Variants in STAG1 observed in about 807,000 individuals in gnomAD.
STAG1 encodes cohesin subunit SA-1.
Under a neutral mutation model 170.9 loss-of-function variants are expected in STAG1, and 26 were observed. The observed-to-expected ratio is 0.15, with a 90% confidence interval of 0.11 to 0.21. The LOEUF (loss-of-function observed/expected upper bound fraction) is 0.21. Among genes scored for constraint, STAG1 ranks in the 10% least tolerant of loss-of-function variants. The pLI, the probability that STAG1 is intolerant of heterozygous loss-of-function variation, is 1.00. For missense variants in STAG1, 964 were observed against 1,509.5 expected (o/e 0.64, Z 5.99); for synonymous variants, 514 against 497.7 (o/e 1.03, Z -0.44).
At chr3:136,543,612 C>CCA (rs1936009389) in intron 5 of STAG1, among the ~76,000 whole-genome samples, 1 of 152,104 alleles carries the variant, frequency 6.6e-6, no homozygotes, top group Admixed American at 6.6e-5. Context: ...AGTAGGGTTT[C>CCA]TCAGCTCCAT....
At chr3:136,559,325 G>T (rs1936748090) in intron 5 of STAG1, among the ~76,000 whole-genome samples, 1 of 152,072 alleles carries the variant, frequency 6.6e-6, no homozygotes, top group African/African-American at 2.4e-5. Flanking sequence ...AATTTATTTA[G>T]AAGGACAACC....
rs1940885732 is a variant in STAG1, at chr3:136,643,690, G to A, written c.-83-12709C>T. Among the ~76,000 whole-genome samples, 2 of 152,014 alleles carry A rather than the reference G, an allele frequency of 1.3e-5. 1 individual carries two copies. Among genetic ancestry groups the A allele is most frequent in the South Asian group, 4.2e-4 (2 of 4,816 alleles). On this transcript the variant is annotated intron_variant, in intron 1 of 33. Transcript: ENST00000383202. ...CACCTGGCTAATTTTTGTGTTTTTT[G>A]TAGAGATAGGGTTTTGCCATGTTGC... is the stretch of plus-strand genomic sequence containing the variant.
intron 6 of STAG1, among the ~76,000 whole-genome samples, chr3:136,528,558 C>G (rs1254605024): frequency 7.8e-6 from 1 of 128,820 alleles, no homozygotes; most frequent in African/African-American, 3.0e-5. Context: ...TCTAAAGAAG[C>G]TCAGTGAGAT....
chr3:136,479,125 G>A (rs1280928669), intron 9 of STAG1, among the ~76,000 whole-genome samples: 1 of 126,646 alleles, frequency 7.9e-6, no homozygotes. Flanking sequence ...TGTGCACATT[G>A]TGCAGGTTAG....
intron 7 of STAG1, among the ~76,000 whole-genome samples, chr3:136,506,302 T>C (rs1244196693): frequency 6.6e-6 from 1 of 151,742 alleles, no homozygotes; most frequent in Non-Finnish European, 1.5e-5. Context: ...GTGGCAGCAA[T>C]AGGTAGAGAG....
At chr3:136,454,299 C>G (rs979312654) in intron 13 of STAG1, among the ~76,000 whole-genome samples, 1 of 151,890 alleles carries the variant, frequency 6.6e-6, no homozygotes, top group African/African-American at 2.4e-5. Flanking sequence ...AGGCTGGTCT[C>G]GAACTCCTGA....
At chr3:136,635,945 T>C (rs187740761) in intron 1 of STAG1, among the ~76,000 whole-genome samples, 49 of 152,114 alleles carry the variant, frequency 3.2e-4, no homozygotes, top group Middle Eastern at 3.4e-3. Context: ...AACAATAAAA[T>C]TGTAATGTAA....
intron 4 of STAG1, among the ~76,000 whole-genome samples, chr3:136,596,077 T>C (rs565604735): frequency 2.8e-4 from 43 of 152,318 alleles, no homozygotes; most frequent in African/African-American, 9.4e-4. Flanking sequence ...GTGAACACTG[T>C]TGAAATGGCA....
At chr3:136,729,664 C>G (rs1442147213) in intron 1 of STAG1, among the ~76,000 whole-genome samples, 1 of 150,636 alleles carries the variant, frequency 6.6e-6, no homozygotes, top group East Asian at 1.9e-4. Flanking sequence ...CCTCCGCCTC[C>G]CAGTTTCAAG....
At chr3:136,580,012 G>A (rs192749343) in intron 4 of STAG1, among the ~76,000 whole-genome samples, 2 of 124,758 alleles carry the variant, frequency 1.6e-5, no homozygotes, top group Non-Finnish European at 3.1e-5. Context: ...TCTGTCGCCA[G>A]GCTGGAGTCC....
At chr3:136,669,065 C>T (rs1210809088) in intron 1 of STAG1, among the ~76,000 whole-genome samples, 3 of 152,190 alleles carry the variant, frequency 2.0e-5, no homozygotes, top group Admixed American at 2.0e-4. Flanking sequence ...CCTTCAACCG[C>T]AACAGCTCTA....
intron 1 of STAG1, among the ~76,000 whole-genome samples, chr3:136,639,275 C>A (rs111267360): frequency 6.6e-6 from 1 of 151,748 alleles, no homozygotes; most frequent in Non-Finnish European, 1.5e-5. Context: ...GTCAAGGATG[C>A]AGTGAGCCAT....
intron 27 of STAG1, among the ~76,000 whole-genome samples, chr3:136,358,552 G>GTATA (rs796319287): frequency 8.5e-5 from 13 of 152,186 alleles, no homozygotes; most frequent in African/African-American, 3.1e-4. Context: ...AATCAGTTTT[G>GTATA]TATAGTCTTA....
intron 6 of STAG1, among the ~76,000 whole-genome samples, chr3:136,531,858 T>A (rs1559863584): frequency 6.8e-6 from 1 of 147,474 alleles, no homozygotes. Flanking sequence ...CATGTATACA[T>A]ATGTAACTAA....
intron 1 of STAG1, among the ~76,000 whole-genome samples, chr3:136,745,440 T>C (rs568928230): frequency 6.6e-6 from 1 of 151,926 alleles, no homozygotes; most frequent in Admixed American, 6.6e-5. Context: ...TGGAAAAAAA[T>C]TTTTCCACGG....
chr3:136,726,999 A>G (rs1332952575), intron 1 of STAG1, among the ~76,000 whole-genome samples: 1 of 152,140 alleles, frequency 6.6e-6, no homozygotes, highest in Non-Finnish European at 1.5e-5. Context: ...TAGGTTCTGT[A>G]CACATCCTCA....
chr3:136,653,956 C>G (rs532929864), intron 1 of STAG1, among the ~76,000 whole-genome samples: 2 of 152,234 alleles, frequency 1.3e-5, no homozygotes, highest in African/African-American at 4.8e-5. Flanking sequence ...AACAAGAACA[C>G]TAAGCAAACT....
intron 13 of STAG1, among the ~76,000 whole-genome samples, chr3:136,456,452 T>C (rs1220435466): frequency 2.0e-5 from 3 of 152,004 alleles, no homozygotes; most frequent in Non-Finnish European, 2.9e-5. Flanking sequence ...ACTTATGAAA[T>C]TACCTAGTCA....
intron 1 of STAG1, among the ~76,000 whole-genome samples, chr3:136,710,378 G>A (rs993079137): frequency 6.6e-6 from 1 of 152,076 alleles, no homozygotes; most frequent in African/African-American, 2.4e-5. Flanking sequence ...CATTTTCCCT[G>A]TATTCTGATC....
Sources: allele counts gnomAD v4.1 joint callset (sites outside exome capture counted in the v4.1 genomes callset), GRCh38; gene constraint gnomAD v4.1.1; transcripts MANE v1.5; gene names NCBI Gene and HGNC (gene_info 2026-07-23, HGNC 2026-07-21).